ESR1: variants seen among roughly 807,000 people sequenced by gnomAD.
ESR1 encodes estrogen receptor 1.
Under a neutral mutation model 52.7 loss-of-function variants are expected in ESR1, and 12 were observed. The observed-to-expected ratio is 0.23, with a 90% CI of 0.15 to 0.37. The LOEUF is 0.37. Among genes scored for constraint, ESR1 ranks in the 10% least tolerant of loss-of-function variants. The pLI, the probability that ESR1 is intolerant of heterozygous loss-of-function variation, is 1.00. For missense variants in ESR1, 584 were observed against 779.7 expected (o/e 0.75, Z 2.99); for synonymous variants, 305 against 316.8 (o/e 0.96, Z 0.39).
At position 152,049,684 on chromosome 6, in the gene ESR1, G is replaced by A. The variant is rs1434106385; in HGVS notation, c.1236-11307G>A. Among the ~76,000 whole-genome samples the A allele has an allele frequency of 3.9e-5, 6 of 152,166 alleles. No individual in the cohort carries two copies. In the South Asian group the frequency reaches 1.2e-3, roughly 32 times the overall value. On this transcript the variant is annotated intron_variant, in intron 5 of 7. Coordinates refer to ENST00000206249, the MANE Select transcript of ESR1 (RefSeq NM_000125.4). ...TCTTGTAAAGTTGAGGTTCGCCTGT[G>A]GAGGCTGCAAAAAAGAGGGAGGAAG... is the stretch of plus-strand genomic sequence containing the variant.
intron 6 of ESR1, among the ~76,000 whole-genome samples, chr6:152,085,837 C>T (rs1486494893): frequency 6.6e-6 from 1 of 152,222 alleles, no homozygotes; most frequent in Non-Finnish European, 1.5e-5. Context: ...GATCCCATAT[C>T]TCCATGGGAA....
intron 6 of ESR1, among the ~76,000 whole-genome samples, chr6:152,071,885 T>C (rs1156680893): frequency 2.0e-5 from 3 of 152,180 alleles, no homozygotes; most frequent in Non-Finnish European, 4.4e-5. Context: ...AGAAATTGAT[T>C]TGCTGGTGAA....
At chr6:151,735,176 C>T (rs1269238790) in intron 2 of ESR1, among the ~76,000 whole-genome samples, 1 of 152,080 alleles carries the variant, frequency 6.6e-6, no homozygotes, top group African/African-American at 2.4e-5. Flanking sequence ...AGATTTTTTT[C>T]ATAGTTCTGG....
intron 2 of ESR1, among the ~76,000 whole-genome samples, chr6:151,792,224 C>A (rs1776231999): frequency 1.3e-5 from 2 of 152,176 alleles, no homozygotes; most frequent in Admixed American, 1.3e-4. Flanking sequence ...CTGTACAAGG[C>A]ACTTGCCAGA....
upstream of ESR1, among the ~76,000 whole-genome samples, chr6:151,806,530 GTA>G (rs56020486): frequency 0.14 from 13,807 of 96,306 alleles, 1,151 homozygotes; most frequent in East Asian, 0.2. Flanking sequence ...TCCTTAATAT[GTA>G]TATATATATA....
intron 4 of ESR1, among the ~76,000 whole-genome samples, chr6:151,949,478 G>C: frequency 6.6e-6 from 1 of 152,196 alleles, no homozygotes; most frequent in South Asian, 2.1e-4. Flanking sequence ...GCTTTGGCAA[G>C]GTAATGAAAG....
intron 5 of ESR1, among the ~76,000 whole-genome samples, chr6:152,046,581 T>C (rs1429313590): frequency 6.6e-6 from 1 of 152,102 alleles, no homozygotes; most frequent in African/African-American, 2.4e-5. Flanking sequence ...AGAAACTATA[T>C]GGTGAACTCA....
At chr6:151,828,825 A>G (rs1395024299) in intron 1 of ESR1, among the ~76,000 whole-genome samples, 2 of 152,196 alleles carry the variant, frequency 1.3e-5, no homozygotes, top group Non-Finnish European at 2.9e-5. Context: ...TCCAGATGAC[A>G]TTGTCTGCAA....
intron 1 of ESR1, among the ~76,000 whole-genome samples, chr6:151,670,285 T>C (rs1272509087): frequency 6.6e-6 from 1 of 152,224 alleles, no homozygotes; most frequent in East Asian, 1.9e-4. Context: ...AGTCCTTCCC[T>C]GACCGTCAGG....
chr6:151,911,913 T>G (rs1043880240), intron 3 of ESR1, among the ~76,000 whole-genome samples: 3 of 152,226 alleles, frequency 2.0e-5, no homozygotes, highest in Admixed American at 6.5e-5. Flanking sequence ...ATTGCTTGAT[T>G]GTTGCACATT....
rs56064813 is a variant in ESR1 at position 151,698,372 on chromosome 6, T to TAA, written c.-201-3490_-201-3489dup. 7.9e-5 allele frequency among the ~76,000 whole-genome samples: 11 copies of TAA among 139,308 alleles called. No individual in the cohort carries two copies. In the East Asian group the frequency reaches 1.9e-3, roughly 23 times the overall value. The allele number at this position is 139,308 out of a possible 152,430, so 91.4% of individuals were successfully genotyped here. On this transcript the variant is annotated intron_variant, in intron 1 of 2. Transcript: ENST00000404742. ...TGGGCAACAGAGCAAGATCTTGTCT[T>TAA]AAAAAAAAAAAAAAGTGACTTAAGA...
intron 3 of ESR1, 113 bp downstream of exon 3, chr6:151,880,884 T>A: frequency 1.5e-6 from 1 of 672,984 alleles, no homozygotes; most frequent in Middle Eastern, 4.0e-4. Context: ...TTTTAATTGT[T>A]TTTTTTCTAT....
chr6:151,744,353 G>A (rs1220982078), intron 2 of ESR1, among the ~76,000 whole-genome samples: 1 of 152,142 alleles, frequency 6.6e-6, no homozygotes. Flanking sequence ...CAATGCATGA[G>A]GGTTCAATTT....
At chr6:151,869,032 G>A (rs1790472011) in intron 2 of ESR1, among the ~76,000 whole-genome samples, 2 of 152,118 alleles carry the variant, frequency 1.3e-5, no homozygotes, top group Non-Finnish European at 2.9e-5. Context: ...CCCAGAAATT[G>A]GAAGATGGAA....
In ESR1 at chr6:152,069,325, G is replaced by A. The variant is rs191204803; in HGVS notation, c.1369+8201G>A. On this transcript the variant is annotated intron_variant, in intron 6 of 7. Coordinates refer to ENST00000206249, the MANE Select transcript of ESR1 (RefSeq NM_000125.4). ...CATTCTTGCACTGGGTCAGTTCCTCGGAGGGGGTCCTCACTCTGGCTGGCA... is the reference window on the plus strand; with the variant it reads ...CATTCTTGCACTGGGTCAGTTCCTCAGAGGGGGTCCTCACTCTGGCTGGCA... Among the ~76,000 whole-genome samples the A allele has an allele frequency of 1.0e-4, 14 of 136,718 alleles. 1 individual carries two copies. Among genetic ancestry groups the A allele is most frequent in the African/African-American group, 1.6e-4 (5 of 30,648 alleles). 89.7% of individuals were successfully genotyped at this position (136,718 alleles called of 152,430 possible). A position where few individuals can be genotyped will look rare whatever the true frequency, so the allele number is the denominator to read the frequency against.
upstream of ESR1, among the ~76,000 whole-genome samples, chr6:151,803,812 G>A (rs1442671397): frequency 2.0e-5 from 3 of 152,112 alleles, no homozygotes; most frequent in Non-Finnish European, 1.5e-5. Flanking sequence ...ATCAGCCCTC[G>A]AAGAAGACAG....
chr6:151,717,134 C>A (rs1195377501), intron 2 of ESR1, among the ~76,000 whole-genome samples: 1 of 152,190 alleles, frequency 6.6e-6, no homozygotes, highest in African/African-American at 2.4e-5. Context: ...CCTTGGGATT[C>A]CCAGGTGAGG....
intron 6 of ESR1, among the ~76,000 whole-genome samples, chr6:152,086,983 C>T (rs2049776369): frequency 6.6e-6 from 1 of 152,162 alleles, no homozygotes; most frequent in Non-Finnish European, 1.5e-5. Flanking sequence ...TCTCTTTATT[C>T]AACTCACGTA....
At chr6:151,726,878 A>G (rs904272116) in intron 2 of ESR1, among the ~76,000 whole-genome samples, 1 of 152,118 alleles carries the variant, frequency 6.6e-6, no homozygotes, top group African/African-American at 2.4e-5. Flanking sequence ...TGCATTGACT[A>G]GGATCCTTCA....
Sources: gnomAD v4.1 joint callset for allele counts (sites outside exome capture counted in the v4.1 genomes callset) on GRCh38, gnomAD v4.1.1 for gene constraint, MANE v1.5 for transcripts, NCBI Gene and HGNC (gene_info 2026-07-23, HGNC 2026-07-21) for gene names.